The following SERPINB8 variants were observed in gnomAD, a reference collection of about 807,000 sequenced individuals.
The protein encoded by SERPINB8 is serpin B8.
In SERPINB8, 25 loss-of-function variants were observed where a neutral mutation model predicts 35.3. The ratio of observed to expected loss-of-function variants is 0.71; its 90% CI spans 0.52 to 0.99. SERPINB8 has a LOEUF of 0.99. Ranked by LOEUF, SERPINB8 falls within the 50% of genes least tolerant of loss-of-function variation. The probability of loss-of-function intolerance (pLI) is 0.00; values close to 1 mark genes in which losing one functional copy is unlikely to be tolerated. For missense variants in SERPINB8, 484 were observed against 446.5 expected (o/e 1.08, Z -0.76); for synonymous variants, 186 against 160.8 (o/e 1.16, Z -1.19).
At chr18:64,005,353 A>G (rs2050894800) in exon 2 of SERPINB8, 1 of 152,374 alleles carries the variant, frequency 6.6e-6, no homozygotes, top group Admixed American at 6.5e-5. Context: ...AGCATGTCCT[A>G]TAACCTGAAT....
chr18:63,992,454 C>G (rs565294883), downstream of SERPINB8, among the ~76,000 whole-genome samples: 1 of 152,172 alleles, frequency 6.6e-6, no homozygotes, highest in Non-Finnish European at 1.5e-5. Context: ...GTAATACCAT[C>G]GCTCTCATTT....
chr18:63,970,981 C>G (rs1465067845), intron 1 of SERPINB8, among the ~76,000 whole-genome samples: 1 of 152,162 alleles, frequency 6.6e-6, no homozygotes, highest in East Asian at 1.9e-4. Flanking sequence ...GCTGCTGCTT[C>G]ACTCCTGAGA....
chr18:63,999,392 G>A (rs1278438592), intron 1 of SERPINB8, among the ~76,000 whole-genome samples: 1 of 152,156 alleles, frequency 6.6e-6, no homozygotes. Flanking sequence ...GTGGACCCTG[G>A]TACTGTAGGA....
Position 63,988,444 on chromosome 18 carries a change from A to G in SERPINB8, c.*1166A>G, listed in dbSNP as rs2050794594. Reference sequence around the variant, plus strand: ...AATAATATATATTATGCTGTTTTGGATATACTAAATATTTGCTCACATCCT... The same window carrying G: ...AATAATATATATTATGCTGTTTTGGGTATACTAAATATTTGCTCACATCCT... On this transcript the variant is annotated 3_prime_UTR_variant, in exon 7 of 7. Transcript: ENST00000397985. 6.6e-6 allele frequency: 1 copy of G among 152,184 alleles called. No homozygotes were observed. The highest frequency in any genetic ancestry group is 2.1e-4 in the South Asian group (1 of 4,830). 9.4% of individuals were successfully genotyped at this position (152,184 alleles called of 1,614,324 possible).
intron 1 of SERPINB8, among the ~76,000 whole-genome samples, chr18:64,002,747 C>A (rs1487749375): frequency 1.3e-5 from 2 of 152,060 alleles, no homozygotes; most frequent in Admixed American, 6.5e-5. Context: ...CGCCCCGGGT[C>A]CCCCACGCGG....
intron 1 of SERPINB8, among the ~76,000 whole-genome samples, chr18:64,000,002 A>C (rs1334360571): frequency 6.6e-6 from 1 of 152,154 alleles, no homozygotes; most frequent in East Asian, 1.9e-4. Flanking sequence ...GAGACACAAC[A>C]GATCAGCCTC....
intron 4 of SERPINB8, 24 bp from the exon 5 acceptor site, chr18:63,983,555 A>G: frequency 3.1e-6 from 5 of 1,609,596 alleles, no homozygotes; most frequent in Non-Finnish European, 4.2e-6. Context: ...CACAAATTGC[A>G]ATAAACTCTC....
chr18:64,018,792 T>C (rs148110343), intron 7 of SERPINB8: 11 of 152,372 alleles, frequency 7.2e-5, no homozygotes, highest in African/African-American at 2.6e-4. Context: ...CACCTTGATA[T>C]TGAAGTGCAT....
downstream of SERPINB8, among the ~76,000 whole-genome samples, chr18:64,008,537 C>A (rs1027825934): frequency 3.3e-5 from 5 of 151,968 alleles, no homozygotes; most frequent in African/African-American, 9.7e-5. Flanking sequence ...ATGTGAGCCA[C>A]CATGCCTGGC....
At chr18:63,983,816 C>G in intron 5 of SERPINB8, 95 bp downstream of exon 5, 1 of 893,262 alleles carries the variant, frequency 1.1e-6, no homozygotes, top group Non-Finnish European at 1.8e-6. Flanking sequence ...TTGACATGAT[C>G]TTGATTTTAA....
chr18:63,987,168 C>T lies in SERPINB8; in HGVS notation c.1015C>T (p.Arg339Trp), dbSNP rs150328649. ...AAATAVVRNS[R>W]CSRMEPRFCA... ...AGCCACTGCTGTGGTCAGGAATTCC[C>T]GGTGCAGCAGAATGGAGCCAAGATT... The change falls in exon 7 of 7, where the codon CGG (arginine) becomes TGG (tryptophan). Residue 339 changes from arginine to tryptophan, a missense_variant. Arg to Trp is a moderately radical substitution (Grantham distance 101). Transcript: ENST00000397985. The T allele has an allele frequency of 3.0e-5, 48 of 1,614,146 alleles. No homozygotes were observed. In the African/African-American group the frequency reaches 3.3e-4, roughly 11 times the overall value.
Position 63,979,906 on chromosome 18 carries a change from C to G in SERPINB8, c.274C>G (p.Leu92Val), listed in dbSNP as rs151258628. The change falls in exon 3 of 7, where the codon CTC (leucine) becomes GTC (valine). Residue 92 changes from leucine (L) to valine (V), a missense_variant. By Grantham distance (32) the Leu-to-Val change is conservative. Coordinates refer to ENST00000397985, the MANE Select transcript of SERPINB8 (RefSeq NM_002640.4). ...TQYLLRTANR[L>V]FGEKTCDFLP... ...GTACTTGCTTAGAACTGCCAACAGA[C>G]TCTTTGGAGAAAAGACGTGTGATTT... 9.9e-6 allele frequency: 16 copies of G among 1,613,988 alleles called. No individual in the cohort carries two copies. Among genetic ancestry groups the G allele is most frequent in the Non-Finnish European group, 8.5e-6 (10 of 1,179,994 alleles).
intron 7 of SERPINB8, among the ~76,000 whole-genome samples, chr18:64,018,029 A>G (rs1452273575): frequency 6.6e-6 from 1 of 152,234 alleles, no homozygotes; most frequent in Non-Finnish European, 1.5e-5. Context: ...AAAACAGACT[A>G]AAAACATTTC....
At position 64,004,887 on chromosome 18, in the gene SERPINB8, A is replaced by G. The variant is rs1268122927; in HGVS notation, c.*9A>G. 7.5e-6 allele frequency: 3 copies of G among 398,444 alleles called. No homozygotes were observed. The Admixed American group carries it at 1.3e-4, about 18-fold the overall frequency. The allele number at this position is 398,444 out of a possible 1,614,324, so 24.7% of individuals were successfully genotyped here. On this transcript the variant is annotated 3_prime_UTR_variant, in exon 2 of 2. Coordinates refer to the SERPINB8 transcript ENST00000493661. ...ACATTATCAGCACCTGAGTGTAAGT[A>G]CAGAAACATCAGACGGCATTGAATT...
chr18:63,976,601 T>C (rs1001749353), intron 1 of SERPINB8, among the ~76,000 whole-genome samples: 5 of 152,200 alleles, frequency 3.3e-5, no homozygotes, highest in Non-Finnish European at 7.3e-5. Flanking sequence ...CAATGACAAG[T>C]TCTCTAAATA....
chr18:63,995,829 A>G (rs2050846371), intron 1 of SERPINB8, among the ~76,000 whole-genome samples: 1 of 152,228 alleles, frequency 6.6e-6, no homozygotes, highest in Non-Finnish European at 1.5e-5. Flanking sequence ...GAAAACTTTA[A>G]TTGGGTGCTA....
At chr18:64,017,256 TAG>T (rs1280889232) in intron 7 of SERPINB8, among the ~76,000 whole-genome samples, 15 of 152,322 alleles carry the variant, frequency 9.8e-5, no homozygotes, top group Admixed American at 8.5e-4. Flanking sequence ...CCTCCAGGAA[TAG>T]AGTCAGGATT....
chr18:63,976,521 C>G (rs1214468322), intron 1 of SERPINB8, among the ~76,000 whole-genome samples: 1 of 152,124 alleles, frequency 6.6e-6, no homozygotes, highest in Non-Finnish European at 1.5e-5. Flanking sequence ...GAGAGACTGT[C>G]CTGGGATGTA....
At chr18:63,978,197 T>C in intron 1 of SERPINB8, 102 bp from the exon 2 acceptor site, 6 of 1,267,028 alleles carry the variant, frequency 4.7e-6, no homozygotes, top group Non-Finnish European at 6.8e-6. Context: ...AGGGTGGTTC[T>C]TCCACCTACC....
Sources: gnomAD v4.1 joint callset for allele counts (sites outside exome capture counted in the v4.1 genomes callset) on GRCh38, gnomAD v4.1.1 for gene constraint, MANE v1.5 for transcripts, NCBI Gene and HGNC (gene_info 2026-07-23, HGNC 2026-07-21) for gene names.